PHTF2: variants seen among roughly 807,000 people sequenced by gnomAD.
PHTF2 encodes the protein putative homeodomain transcription factor 2.
In PHTF2, 60 loss-of-function variants were observed where a neutral mutation model predicts 101.2. The observed-to-expected ratio is 0.59, with a 90% CI of 0.48 to 0.73. The LOEUF (loss-of-function observed/expected upper bound fraction) is 0.73, where lower values mean the gene tolerates loss of function less well. PHTF2 is among the 30% of genes least tolerant of loss of function. The probability of loss-of-function intolerance (pLI) is 0.00; values close to 1 mark genes in which losing one functional copy is unlikely to be tolerated. For missense variants in PHTF2, 747 were observed against 908.7 expected (o/e 0.82, Z 2.29); for synonymous variants, 311 against 307.3 (o/e 1.01, Z -0.13).
intron 15 of PHTF2, among the ~76,000 whole-genome samples, chr7:77,941,935 T>A (rs1805669068): frequency 6.6e-6 from 1 of 152,246 alleles, no homozygotes; most frequent in African/African-American, 2.4e-5. Context: ...TAATGCCCTT[T>A]ATGATCTAAG....
intron 3 of PHTF2, among the ~76,000 whole-genome samples, chr7:77,866,160 G>A (rs918954833): frequency 2.3e-5 from 3 of 131,316 alleles, no homozygotes; most frequent in African/African-American, 9.2e-5. Context: ...CTCCTGCCTG[G>A]ATGACAGAGC....
chr7:77,828,404 A>G (rs1226277913), intron 1 of PHTF2, among the ~76,000 whole-genome samples: 11 of 152,326 alleles, frequency 7.2e-5, no homozygotes, highest in Admixed American at 6.5e-4. Flanking sequence ...TGGTAATAGT[A>G]ATATTGAAGT....
At chr7:77,841,080 T>C in intron 2 of PHTF2, among the ~76,000 whole-genome samples, 1 of 134,038 alleles carries the variant, frequency 7.5e-6, no homozygotes, top group East Asian at 2.0e-4. Context: ...ACAGACTTTT[T>C]TTTTTTTTTT....
At chr7:77,817,950 A>G (rs890755617) in intron 1 of PHTF2, among the ~76,000 whole-genome samples, 8 of 152,036 alleles carry the variant, frequency 5.3e-5, no homozygotes, top group Admixed American at 5.2e-4. Context: ...TCTACTAAAA[A>G]TACAAAAAAA....
chr7:77,858,851 GA>G (rs1255024779), intron 3 of PHTF2, among the ~76,000 whole-genome samples: 1 of 152,084 alleles, frequency 6.6e-6, no homozygotes, highest in African/African-American at 2.4e-5. Flanking sequence ...CAAGATATAA[GA>G]AGTTATATTG....
chr7:77,924,675 A>G (rs1430792258), intron 11 of PHTF2, among the ~76,000 whole-genome samples: 1 of 152,186 alleles, frequency 6.6e-6, no homozygotes, highest in East Asian at 1.9e-4. Flanking sequence ...TGGGTCAGGA[A>G]CCTAGCCATT....
At chr7:77,925,124 G>GT (rs1461615015) in intron 11 of PHTF2, among the ~76,000 whole-genome samples, 1 of 152,132 alleles carries the variant, frequency 6.6e-6, no homozygotes, top group African/African-American at 2.4e-5. Flanking sequence ...GATGAGAAGC[G>GT]TAATGAAGAA....
exon 16 of PHTF2, chr7:77,942,716 G>T: frequency 6.3e-7 from 1 of 1,597,556 alleles, no homozygotes; most frequent in East Asian, 2.2e-5. Context: ...GGTCCTCAGC[G>T]ATCAGTTGAT....
intron 3 of PHTF2, among the ~76,000 whole-genome samples, chr7:77,860,692 GTTAAA>G (rs1254525577): frequency 1.3e-5 from 2 of 152,048 alleles, no homozygotes; most frequent in Non-Finnish European, 2.9e-5. Context: ...TTAATCAAAT[GTTAAA>G]TTAAAGGTTT....
intron 1 of PHTF2, among the ~76,000 whole-genome samples, chr7:77,811,151 C>T (rs1431316013): frequency 1.3e-5 from 2 of 152,220 alleles, no homozygotes; most frequent in Non-Finnish European, 2.9e-5. Context: ...ATCCACCTGC[C>T]TCAGCCTCCC....
exon 14 of PHTF2, chr7:77,940,080 C>T (rs1190131317): frequency 6.2e-7 from 1 of 1,612,860 alleles, no homozygotes; most frequent in Non-Finnish European, 8.5e-7. Context: ...GAAATGCAGT[C>T]TCTCTCATAC....
At chr7:77,925,433 C>T (rs1803871092) in intron 11 of PHTF2, among the ~76,000 whole-genome samples, 1 of 144,378 alleles carries the variant, frequency 6.9e-6, no homozygotes, top group African/African-American at 2.6e-5. Flanking sequence ...CTATTAATCA[C>T]ACAAATATTG....
intron 11 of PHTF2, chr7:77,924,221 T>A: frequency 1.5e-6 from 1 of 664,352 alleles, no homozygotes; most frequent in Non-Finnish European, 1.9e-6. Flanking sequence ...TTTATAAATT[T>A]AAATTTATTT....
intron 1 of PHTF2, among the ~76,000 whole-genome samples, chr7:77,800,903 C>G (rs1018708963): frequency 6.6e-6 from 1 of 152,172 alleles, no homozygotes; most frequent in Admixed American, 6.5e-5. Flanking sequence ...GAGATTCACA[C>G]CTAAGCAGTC....
intron 7 of PHTF2, among the ~76,000 whole-genome samples, chr7:77,902,157 T>C (rs1380586469): frequency 6.6e-6 from 1 of 152,124 alleles, no homozygotes; most frequent in African/African-American, 2.4e-5. Context: ...ATCGAGAAGA[T>C]TTTTTAAAAT....
intron 1 of PHTF2, 58 bp from the exon 2 acceptor site, chr7:77,840,163 A>C: frequency 1.1e-6 from 1 of 882,306 alleles, no homozygotes; most frequent in Non-Finnish European, 1.9e-6. Context: ...CATGCTGTTC[A>C]GTCTCCTTTT....
chr7:77,863,791 T>TG (rs1171564533), intron 3 of PHTF2, among the ~76,000 whole-genome samples: 9 of 151,286 alleles, frequency 5.9e-5, no homozygotes, highest in Admixed American at 1.3e-4. Context: ...TGTTTTGTTT[T>TG]TTTTTTTTTT....
intron 3 of PHTF2, among the ~76,000 whole-genome samples, chr7:77,890,587 G>A (rs1273916472): frequency 6.8e-6 from 1 of 146,016 alleles, no homozygotes; most frequent in Non-Finnish European, 1.5e-5. Flanking sequence ...GTGGTGCATT[G>A]AAATAGTTAC....
chr7:77,880,106 A>G (rs1799282331), intron 3 of PHTF2, among the ~76,000 whole-genome samples: 1 of 152,120 alleles, frequency 6.6e-6, no homozygotes, highest in African/African-American at 2.4e-5. Context: ...TTAGCATCGT[A>G]TTTTTTATTT....
Sources: gnomAD v4.1 joint callset for allele counts (sites outside exome capture counted in the v4.1 genomes callset) on GRCh38, gnomAD v4.1.1 for gene constraint, MANE v1.5 for transcripts, NCBI Gene and HGNC (gene_info 2026-07-23, HGNC 2026-07-21) for gene names.